CAB39L: variants seen among roughly 807,000 people sequenced by gnomAD.
CAB39L encodes the protein calcium-binding protein 39-like.
Under a neutral mutation model 39.1 loss-of-function variants are expected in CAB39L, and 23 were observed. The observed-to-expected ratio is 0.59, with a 90% CI of 0.42 to 0.83. The LOEUF is 0.83. Ranked by LOEUF, CAB39L falls within the 40% of genes least tolerant of loss-of-function variation. The probability of loss-of-function intolerance (pLI) is 0.00; values close to 1 mark genes in which losing one functional copy is unlikely to be tolerated. For synonymous variants in CAB39L, 126 were observed against 137.2 expected (o/e 0.92, Z 0.57); for missense variants, 366 against 391.9 (o/e 0.93, Z 0.56).
At chr13:49,326,476 G>A (rs1483145636) in intron 10 of CAB39L, among the ~76,000 whole-genome samples, 1 of 152,156 alleles carries the variant, frequency 6.6e-6, no homozygotes, top group Non-Finnish European at 1.5e-5. Flanking sequence ...CTATTAGCAG[G>A]CTAATGAGAG....
At chr13:49,391,259 A>G (rs560680184) in intron 3 of CAB39L, among the ~76,000 whole-genome samples, 9 of 152,220 alleles carry the variant, frequency 5.9e-5, no homozygotes, top group Non-Finnish European at 1.2e-4. Flanking sequence ...TACTTTACCA[A>G]TTATGCAGAT....
intron 2 of CAB39L, among the ~76,000 whole-genome samples, 163 bp downstream of exon 2, chr13:49,433,923 T>G (rs1049966701): frequency 2.0e-5 from 3 of 152,186 alleles, no homozygotes; most frequent in Non-Finnish European, 2.9e-5. Context: ...AACAACATCA[T>G]GAAAACCCAT....
At chr13:49,317,831 C>G (rs955604963) in intron 10 of CAB39L, among the ~76,000 whole-genome samples, 1 of 151,970 alleles carries the variant, frequency 6.6e-6, no homozygotes, top group African/African-American at 2.4e-5. Context: ...AAAAAACACA[C>G]AGAACGGGAG....
chr13:49,413,035 G>C (rs1957021969), intron 3 of CAB39L: 1 of 152,108 alleles, frequency 6.6e-6, no homozygotes, highest in Non-Finnish European at 1.5e-5. Flanking sequence ...TGTGATACTA[G>C]GTTCTCTAAG....
chr13:49,382,628 C>CTTTATAATAATAAAT, intron 4 of CAB39L, 172 bp downstream of exon 4: 1 of 541,304 alleles, frequency 1.8e-6, no homozygotes, highest in South Asian at 2.2e-5. Flanking sequence ...TTCATCACAA[C>CTTTATAATAATAAAT]AGACTAAATA....
intron 5 of CAB39L, among the ~76,000 whole-genome samples, chr13:49,365,256 T>C (rs1955741972): frequency 1.3e-5 from 2 of 152,140 alleles, no homozygotes; most frequent in South Asian, 4.1e-4. Flanking sequence ...TGCAGAAGAA[T>C]GAAATTAGAC....
intron 8 of CAB39L, among the ~76,000 whole-genome samples, chr13:49,342,320 A>G (rs542100379): frequency 6.6e-6 from 1 of 152,308 alleles, no homozygotes; most frequent in South Asian, 2.1e-4. Flanking sequence ...TTTTGTAAGC[A>G]CATGTAATTT....
intron 10 of CAB39L, among the ~76,000 whole-genome samples, chr13:49,330,496 G>A (rs562733896): frequency 6.6e-5 from 10 of 152,110 alleles, no homozygotes; most frequent in East Asian, 1.9e-4. Flanking sequence ...GAGGTGGCAC[G>A]TGTCTATAGT....
chr13:49,343,659 AAG>A (rs1233196218), intron 8 of CAB39L, among the ~76,000 whole-genome samples: 1 of 151,814 alleles, frequency 6.6e-6, no homozygotes, highest in South Asian at 2.1e-4. Flanking sequence ...CAGAGACAGA[AAG>A]AGAGAGAGAA....
intron 10 of CAB39L, among the ~76,000 whole-genome samples, chr13:49,328,087 C>T (rs1451109584): frequency 6.6e-6 from 1 of 152,170 alleles, no homozygotes; most frequent in Admixed American, 6.5e-5. Context: ...TGTACATAAC[C>T]CCTTATGCAC....
intron 9 of CAB39L, among the ~76,000 whole-genome samples, chr13:49,334,150 C>T (rs1233255770): frequency 6.6e-6 from 1 of 152,138 alleles, no homozygotes; most frequent in African/African-American, 2.4e-5. Context: ...CATTCAAACC[C>T]TCACTACCTT....
chr13:49,357,228 A>G (rs1442868884), intron 6 of CAB39L, among the ~76,000 whole-genome samples: 1 of 152,128 alleles, frequency 6.6e-6, no homozygotes, highest in Non-Finnish European at 1.5e-5. Flanking sequence ...CTGCATGGAA[A>G]ACTAGGCTCT....
At chr13:49,397,107 G>A (rs1461475625) in intron 3 of CAB39L, among the ~76,000 whole-genome samples, 2 of 152,090 alleles carry the variant, frequency 1.3e-5, no homozygotes, top group African/African-American at 2.4e-5. Context: ...TATTATATAT[G>A]TCAAAGAATC....
rs776038637 is a variant in CAB39L, at chr13:49,434,158, G to T, written c.-180C>A. 2 of 456,908 alleles carry T rather than the reference G, an allele frequency of 4.4e-6. No homozygotes were observed. The highest frequency in any genetic ancestry group is 1.5e-5 in the South Asian group (1 of 64,534). The allele number at this position is 456,908 out of a possible 1,614,324, so 28.3% of individuals were successfully genotyped here. A position where few individuals can be genotyped will look rare whatever the true frequency, so the allele number is the denominator to read the frequency against. On this transcript the variant is annotated 5_prime_UTR_variant, in exon 2 of 11. Transcript: ENST00000409308. ...ACTGATTTGGGGTTCGCATCTTTAC[G>T]TTCTGAACAGCAACTTAGAACACTT...
chr13:49,315,884 CA>C (rs60700916), intron 10 of CAB39L, among the ~76,000 whole-genome samples: 207 of 120,244 alleles, frequency 1.7e-3, no homozygotes, highest in African/African-American at 5.5e-3. Context: ...GTCTCCATCT[CA>C]AAAAAAAAAA....
intron 6 of CAB39L, among the ~76,000 whole-genome samples, chr13:49,358,280 G>T (rs945059975): frequency 2.0e-5 from 3 of 152,054 alleles, no homozygotes; most frequent in Admixed American, 2.0e-4. Context: ...GCTCACTAGT[G>T]AATAATAACT....
At chr13:49,339,160 C>T (rs1203353838) in intron 9 of CAB39L, among the ~76,000 whole-genome samples, 13 of 136,554 alleles carry the variant, frequency 9.5e-5, no homozygotes, top group South Asian at 9.0e-4. Context: ...GATGGAGTTC[C>T]GCTCTTGTTG....
At chr13:49,327,485 G>T (rs956266599) in intron 10 of CAB39L, among the ~76,000 whole-genome samples, 1 of 152,084 alleles carries the variant, frequency 6.6e-6, no homozygotes, top group African/African-American at 2.4e-5. Context: ...TGTGTTTTTA[G>T]TAGGGACTGG....
chr13:49,442,653 G>C (rs933988369), intron 1 of CAB39L, among the ~76,000 whole-genome samples: 13 of 151,808 alleles, frequency 8.6e-5, no homozygotes, highest in African/African-American at 2.7e-4. Flanking sequence ...TTAGCTGGGC[G>C]TGATGGCCGG....
Sources: allele counts gnomAD v4.1 joint callset (sites outside exome capture counted in the v4.1 genomes callset), GRCh38; gene constraint gnomAD v4.1.1; transcripts MANE v1.5; gene names NCBI Gene and HGNC (gene_info 2026-07-23, HGNC 2026-07-21).